The following KSR1 variants were observed in gnomAD, a reference collection of about 807,000 sequenced individuals.
KSR1 encodes the protein kinase suppressor of ras 1.
In KSR1, 35 loss-of-function variants were observed where a neutral mutation model predicts 92.9. That is an observed-to-expected ratio of 0.38 (90% CI 0.29 to 0.50). The LOEUF (loss-of-function observed/expected upper bound fraction) is 0.50, where lower values mean the gene tolerates loss of function less well. Ranked by LOEUF, KSR1 falls within the 20% of genes least tolerant of loss-of-function variation. The pLI is 0.94. For missense variants in KSR1, 972 were observed against 1,158.5 expected, an observed-to-expected ratio of 0.84 and a Z score of 2.34; for synonymous variants, 467 against 472.6, an observed-to-expected ratio of 0.99 and a Z score of 0.15.
chr17:27,564,256 G>T (rs956048556), intron 2 of KSR1, among the ~76,000 whole-genome samples: 1 of 152,198 alleles, frequency 6.6e-6, no homozygotes, highest in African/African-American at 2.4e-5. Flanking sequence ...CTCCCAAAGT[G>T]TTGGGATTAT....
At chr17:27,500,519 T>C (rs1567767540) in intron 1 of KSR1, among the ~76,000 whole-genome samples, 1 of 152,248 alleles carries the variant, frequency 6.6e-6, no homozygotes, top group Non-Finnish European at 1.5e-5. Context: ...GCCATGCACC[T>C]GGACCAACCA....
At chr17:27,599,121 G>A (rs1487803580) in intron 10 of KSR1, among the ~76,000 whole-genome samples, 1 of 152,240 alleles carries the variant, frequency 6.6e-6, no homozygotes, top group African/African-American at 2.4e-5. Context: ...TCGGCTGTGT[G>A]GTGTAGCCTG....
At chr17:27,583,447 A>G (rs748699111) in intron 4 of KSR1, among the ~76,000 whole-genome samples, 1 of 152,238 alleles carries the variant, frequency 6.6e-6, no homozygotes, top group Non-Finnish European at 1.5e-5. Flanking sequence ...CTTGTCCATC[A>G]TGGGTCAGCC....
chr17:27,591,734 A>G (rs1041476611), intron 7 of KSR1, among the ~76,000 whole-genome samples: 2 of 152,136 alleles, frequency 1.3e-5, no homozygotes, highest in African/African-American at 4.8e-5. Context: ...AGGGACCTCT[A>G]GCTCCCATCA....
intron 10 of KSR1, among the ~76,000 whole-genome samples, chr17:27,599,359 A>G (rs2073460690): frequency 6.6e-6 from 1 of 152,222 alleles, no homozygotes. Context: ...AGAGTTCAAG[A>G]CCAGCCTGGC....
intron 16 of KSR1, 60 bp downstream of exon 16, chr17:27,609,389 G>T: frequency 6.2e-7 from 1 of 1,600,112 alleles, no homozygotes; most frequent in South Asian, 1.1e-5. Flanking sequence ...GAGCAGGGCT[G>T]AGGTCTGGGC....
chr17:27,592,039 A>G (rs1221450124), intron 7 of KSR1, among the ~76,000 whole-genome samples: 2 of 152,084 alleles, frequency 1.3e-5, no homozygotes, highest in African/African-American at 4.8e-5. Context: ...GAGCTTTTTC[A>G]ATATGGGTAG....
intron 1 of KSR1, among the ~76,000 whole-genome samples, chr17:27,544,317 G>A (rs1354163300): frequency 6.6e-6 from 1 of 152,196 alleles, no homozygotes; most frequent in African/African-American, 2.4e-5. Context: ...CAAGCACTTT[G>A]TATACGGCAA....
intron 1 of KSR1, among the ~76,000 whole-genome samples, chr17:27,526,094 T>TTCTTTCTTTCTTTCTTTCTCTCTC (rs55706224): frequency 4.2e-5 from 5 of 118,470 alleles, no homozygotes; most frequent in East Asian, 2.3e-4. Context: ...CTTTCTTTCT[T>TTCTTTCTTTCTTTCTTTCTCTCTC]TCTCTCTCTC....
At chr17:27,583,672 C>T (rs2072862266) in intron 4 of KSR1, among the ~76,000 whole-genome samples, 1 of 152,252 alleles carries the variant, frequency 6.6e-6, no homozygotes, top group Non-Finnish European at 1.5e-5. Flanking sequence ...TAGTGACTGT[C>T]AGATACCATA....
chr17:27,530,100 T>G (rs1450978845), intron 1 of KSR1, among the ~76,000 whole-genome samples: 1 of 152,182 alleles, frequency 6.6e-6, no homozygotes, highest in African/African-American at 2.4e-5. Context: ...TAATGCCACC[T>G]TATGAAATTG....
intron 1 of KSR1, among the ~76,000 whole-genome samples, chr17:27,530,756 C>G (rs1199169015): frequency 6.6e-6 from 1 of 152,204 alleles, no homozygotes; most frequent in African/African-American, 2.4e-5. Flanking sequence ...CTCAGATCAG[C>G]CCATTCACAG....
At position 27,592,628 on chromosome 17, in the gene KSR1, T is replaced by A; in HGVS notation, c.1299+2T>A. On this transcript the variant is annotated splice_donor_variant, in intron 9 of 20. Coordinates refer to ENST00000644974, the MANE Select transcript of KSR1 (RefSeq NM_001394583.1). LOFTEE classifies it high-confidence loss of function. ...CTCCCCAAAGCACTGACAAAGAAGG[T>A]ACGCTGGGTAATGCTGGGGAGGACG... 1 of 1,612,864 alleles carries A rather than the reference T, an allele frequency of 6.2e-7. No individual in the cohort carries two copies. The highest frequency in any genetic ancestry group is 8.5e-7 in the Non-Finnish European group (1 of 1,179,374).
chr17:27,597,371 C>T lies in KSR1; in HGVS notation c.1403C>T (p.Pro468Leu), dbSNP rs775200896. 3 of 1,613,888 alleles carry T rather than the reference C, an allele frequency of 1.9e-6. No individual in the cohort carries two copies. Among genetic ancestry groups the T allele is most frequent in the Non-Finnish European group, 2.5e-6 (3 of 1,179,842 alleles). The change falls in exon 10 of 21, where the codon CCA (proline) becomes CTA (leucine). Residue 468 changes from proline (P) to leucine (L), a missense_variant. By Grantham distance (98) the Pro-to-Leu change is moderately conservative (BLOSUM62 -3). This residue lies in a region of KSR1 where 611 missense variants were observed against 668.0 expected (regional missense o/e 0.91). Coordinates refer to ENST00000644974, the MANE Select transcript of KSR1 (RefSeq NM_001394583.1). ...GCGCCCTTCCCGACATCATCCAACC[C>T]ATCCAGCGCCACCACGCCCCCCAAC... ...SPAPFPTSSNPSSATTPPNPS... is the reference protein window; with the variant it reads ...SPAPFPTSSNLSSATTPPNPS...
intron 18 of KSR1, among the ~76,000 whole-genome samples, chr17:27,616,560 C>T (rs1172323542): frequency 6.6e-6 from 1 of 152,172 alleles, no homozygotes; most frequent in East Asian, 1.9e-4. Context: ...TATCTTTGAT[C>T]TCTCTCTGGT....
In KSR1 at chr17:27,610,151, C is replaced by A; in HGVS notation, c.2310C>A (p.Asp770Glu). 1 of 1,614,002 alleles carries A rather than the reference C, an allele frequency of 6.2e-7. No homozygotes were observed. The highest frequency in any genetic ancestry group is 8.5e-7 in the Non-Finnish European group (1 of 1,179,876). The change falls in exon 17 of 21, where the codon GAC (aspartate) becomes GAA (glutamate). Residue 770 changes from aspartate (D) to glutamate (E), a missense_variant. Physicochemically the swap from Asp to Glu is conservative, Grantham distance 45 (BLOSUM62 2). Coordinates refer to ENST00000644974, the MANE Select transcript of KSR1 (RefSeq NM_001394583.1). ...TACGCGAGATGACCCCCGGGAAGGA[C>A]GAGGATCAGCTGCCATTCTCCAAAG... ...EIVREMTPGKDEDQLPFSKAA... is the reference protein window; with the variant it reads ...EIVREMTPGKEEDQLPFSKAA...
At chr17:27,561,335 T>TC (rs1471179742) in intron 2 of KSR1, among the ~76,000 whole-genome samples, 1 of 152,162 alleles carries the variant, frequency 6.6e-6, no homozygotes, top group Admixed American at 6.5e-5. Context: ...GTCTCTCTCT[T>TC]CCCCCCTCAT....
intron 17 of KSR1, 170 bp from the exon 18 acceptor site, chr17:27,611,324 A>C: frequency 1.4e-6 from 1 of 727,966 alleles, no homozygotes; most frequent in South Asian, 1.9e-5. Flanking sequence ...CAGGTCCTCT[A>C]GGGCTGGGAG....
chr17:27,602,852 A>G (rs1021076452), intron 11 of KSR1, among the ~76,000 whole-genome samples: 3 of 152,260 alleles, frequency 2.0e-5, no homozygotes, highest in Non-Finnish European at 4.4e-5. Flanking sequence ...CACGGCCTCT[A>G]TCAGATTCTC....
Sources: gnomAD v4.1 joint callset for allele counts (sites outside exome capture counted in the v4.1 genomes callset) on GRCh38, gnomAD v4.1.1 for gene constraint, gnomAD v4.1.1 regional missense constraint, MANE v1.5 for transcripts, NCBI Gene and HGNC (gene_info 2026-07-23, HGNC 2026-07-21) for gene names.